The following PRKCZ variants were observed in gnomAD, a reference collection of about 807,000 sequenced individuals.
PRKCZ encodes protein kinase C zeta.
PRKCZ carries 33 observed loss-of-function variants against 79.5 expected under a neutral mutation model. That is an observed-to-expected ratio of 0.41 (90% confidence interval 0.31 to 0.55). PRKCZ has a LOEUF of 0.55. PRKCZ is among the 20% of genes least tolerant of loss of function. The pLI is 0.19. For missense variants in PRKCZ, 578 were observed against 813.5 expected (o/e 0.71, Z 3.52); for synonymous variants, 342 against 320.9 (o/e 1.07, Z -0.70).
rs776015013 is a variant in PRKCZ, at chr1:2,148,858, C to T, written c.635-14C>T. The T allele has an allele frequency of 6.2e-7, 1 of 1,613,592 alleles. No homozygotes were observed. The highest frequency in any genetic ancestry group is 1.3e-5 in the African/African-American group (1 of 75,062). Reference sequence around the variant, plus strand: ...CACACCGTAACGCCCCTTCCTTCCTCCCTCTCTCACCAGTTGCTTACATTT... The same window carrying T: ...CACACCGTAACGCCCCTTCCTTCCTTCCTCTCTCACCAGTTGCTTACATTT... On this transcript the variant is annotated splice_polypyrimidine_tract_variant and intron_variant, in intron 7 of 17. Coordinates refer to ENST00000378567, the MANE Select transcript of PRKCZ (RefSeq NM_002744.6).
intron 16 of PRKCZ, 76 bp downstream of exon 16, chr1:2,175,389 C>T (rs1482835818): frequency 4.0e-6 from 5 of 1,253,842 alleles, no homozygotes; most frequent in South Asian, 2.7e-5. Flanking sequence ...ATCCCAACCC[C>T]AACCCCAATA....
chr1:2,103,384 A>C (rs1667829102), intron 4 of PRKCZ, among the ~76,000 whole-genome samples: 1 of 151,108 alleles, frequency 6.6e-6, no homozygotes, highest in Non-Finnish European at 1.5e-5. Flanking sequence ...TTATCAGTTC[A>C]AGACACAGTT....
upstream of PRKCZ, chr1:2,050,368 C>T (rs1302383726): frequency 3.0e-5 from 5 of 168,320 alleles, no homozygotes; most frequent in Non-Finnish European, 6.3e-5. Context: ...CCCGGGACCG[C>T]CCGCCCCGCG....
chr1:2,172,190 G>A lies in PRKCZ; in HGVS notation c.1197G>A (p.Lys399=). The stretch of plus-strand genomic sequence containing the variant: ...AGCTCACAGACTACGGCATGTGCAA[G>A]GTGCGTGCCTTGGACCGCCTCCCCT... The part of the protein sequence containing the change: ...HIKLTDYGMC[K]EGLGPGDTTS... The change falls in exon 12 of 18, where the codon AAG becomes AAA. Residue 399 remains lysine (K), a splice_region_variant and synonymous_variant. Transcript: ENST00000378567. This position sits in a 1 kb window ranked among gnomAD's most constrained non-coding sequence, Gnocchi z 7.8. The A allele has an allele frequency of 1.9e-6, 3 of 1,613,336 alleles. No homozygotes were observed. The highest frequency in any genetic ancestry group is 2.2e-5 in the East Asian group (1 of 44,866).
chr1:2,125,695 T>C lies in PRKCZ; in HGVS notation c.335-9567T>C, dbSNP rs1316887099. Among the ~76,000 whole-genome samples, 1 of 152,192 alleles carries C rather than the reference T, an allele frequency of 6.6e-6. No individual in the cohort carries two copies. The highest frequency in any genetic ancestry group is 2.4e-5 in the African/African-American group (1 of 41,454). On this transcript the variant is annotated intron_variant, in intron 4 of 17. Coordinates refer to ENST00000378567, the MANE Select transcript of PRKCZ (RefSeq NM_002744.6). The surrounding 1 kb of genome is among the most constrained non-coding windows in gnomAD (Gnocchi z 4.2). ...CGCATTCCATGGCAGGTGAGTCTGA[T>C]TATTCGAAGGAGGCTGGAGTGTGGG... is the stretch of plus-strand genomic sequence containing the variant.
intron 17 of PRKCZ, 81 bp downstream of exon 17, chr1:2,184,779 C>G: frequency 1.4e-6 from 2 of 1,445,858 alleles, no homozygotes; most frequent in Non-Finnish European, 9.5e-7. Context: ...AGCTGGTGAC[C>G]CAGCCTGCCC....
At chr1:2,119,628 G>T (rs1671449738) in intron 4 of PRKCZ, among the ~76,000 whole-genome samples, 1 of 152,136 alleles carries the variant, frequency 6.6e-6, no homozygotes, top group South Asian at 2.1e-4. Context: ...ACCAAGTGTT[G>T]TCTTAGACAG....
In PRKCZ at chr1:2,055,559, G is replaced by A. The variant is rs140244321; in HGVS notation, c.190G>A (p.Glu64Lys). 122 of 1,612,980 alleles carry A rather than the reference G, an allele frequency of 7.6e-5. No homozygotes were observed. Among genetic ancestry groups the A allele is most frequent in the Admixed American group, 5.5e-4 (33 of 59,796 alleles). The part of the protein sequence containing the change: ...HPLTLKWVDS[E>K]GDPCTVSSQM... Reference sequence around the variant, plus strand: ...GCTCACCCTCAAGTGGGTGGACAGCGAAGGTAGCCCTTGTCCCATGTTGGC... The same window carrying A: ...GCTCACCCTCAAGTGGGTGGACAGCAAAGGTAGCCCTTGTCCCATGTTGGC... Residue 64 changes from glutamate to lysine, a missense_variant, in exon 2 of 18, where the codon GAA becomes AAA. Around this residue, in one of 4 missense-constraint regions of PRKCZ, gnomAD observed 228 missense variants for 211.6 expected, o/e 1.08. Transcript: ENST00000378567.
At chr1:2,099,183 T>C (rs1469970224) in intron 4 of PRKCZ, among the ~76,000 whole-genome samples, 3 of 152,092 alleles carry the variant, frequency 2.0e-5, no homozygotes, top group African/African-American at 7.3e-5. Context: ...ATCACCATCA[T>C]CCAGGGCCAC....
intron 4 of PRKCZ, among the ~76,000 whole-genome samples, chr1:2,063,564 C>T (rs1294681485): frequency 7.9e-5 from 12 of 152,318 alleles, no homozygotes; most frequent in African/African-American, 2.2e-4. Context: ...CTGCCCACCT[C>T]GGTCTCCCAA....
chr1:2,077,196 G>C (rs928676572), intron 4 of PRKCZ, among the ~76,000 whole-genome samples: 17 of 152,246 alleles, frequency 1.1e-4, no homozygotes, highest in Non-Finnish European at 1.9e-4. Flanking sequence ...GGGCACACAG[G>C]AGAGTTTACA....
At position 2,094,614 on chromosome 1, in the gene PRKCZ, C is replaced by A. The variant is rs1175304313; in HGVS notation, c.334+35023C>A. On this transcript the variant is annotated intron_variant, in intron 4 of 17. Coordinates refer to ENST00000378567, the MANE Select transcript of PRKCZ (RefSeq NM_002744.6). The surrounding 1 kb of genome is among the most constrained non-coding windows in gnomAD (Gnocchi z 7.3). ...CGCCCGCTGTGCCCGGCTCGATGAACCTTGGGCGCTGCCCGTTCTGAGGCG... is the reference window on the plus strand; with the variant it reads ...CGCCCGCTGTGCCCGGCTCGATGAAACTTGGGCGCTGCCCGTTCTGAGGCG... Among the ~76,000 whole-genome samples, 3 of 101,290 alleles carry A rather than the reference C, an allele frequency of 3.0e-5. No homozygotes were observed. The highest frequency in any genetic ancestry group is 5.4e-5 in the Non-Finnish European group (3 of 55,722). The allele number at this position is 101,290 out of a possible 152,430, so 66.5% of individuals were successfully genotyped here. A position where few individuals can be genotyped will look rare whatever the true frequency, so the allele number is the denominator to read the frequency against.
chr1:2,074,917 G>T lies in PRKCZ; in HGVS notation c.334+15326G>T, dbSNP rs185255601. On this transcript the variant is annotated intron_variant, in intron 4 of 17. Coordinates refer to ENST00000378567, the MANE Select transcript of PRKCZ (RefSeq NM_002744.6). ...ACAACCAGCCTCCCCAGTCAGGCTT[G>T]TGGGGAGCCGTGGGCCTGGGGAGAC... 2.0e-5 allele frequency: 3 copies of T among 152,390 alleles called. No homozygotes were observed. In the East Asian group the frequency reaches 5.8e-4, roughly 30 times the overall value. The allele number at this position is 152,390 out of a possible 1,614,324, so 9.4% of individuals were successfully genotyped here. A position where few individuals can be genotyped will look rare whatever the true frequency, so the allele number is the denominator to read the frequency against.
chr1:2,060,639 A>G (rs1192163056), intron 4 of PRKCZ, among the ~76,000 whole-genome samples: 2 of 152,218 alleles, frequency 1.3e-5, no homozygotes, highest in Non-Finnish European at 2.9e-5. Context: ...GCCCTCAGCC[A>G]ACCGGGGTCC....
intron 4 of PRKCZ, among the ~76,000 whole-genome samples, chr1:2,060,161 C>T (rs981678301): frequency 1.3e-5 from 2 of 152,248 alleles, no homozygotes; most frequent in African/African-American, 2.4e-5. Context: ...TGGGGTTCCA[C>T]CCCCACTCTC....
At chr1:2,179,728 C>T (rs984518093) in intron 16 of PRKCZ, among the ~76,000 whole-genome samples, 13 of 152,314 alleles carry the variant, frequency 8.5e-5, no homozygotes, top group African/African-American at 2.9e-4. Flanking sequence ...GTTTGCTCCT[C>T]CCACCCCGGG....
At position 2,149,591 on chromosome 1, in the gene PRKCZ, C is replaced by T. The variant is rs141572849; in HGVS notation, c.687+667C>T. On this transcript the variant is annotated intron_variant, in intron 8 of 17. Transcript: ENST00000378567. This position sits in a 1 kb window ranked among gnomAD's most constrained non-coding sequence, Gnocchi z 4.1. The stretch of plus-strand genomic sequence containing the variant: ...AAGCAGAATCTGAGGCTGAGCACGG[C>T]GACTCACACCTCCAATCCCAGCATT... 3.5e-3 allele frequency among the ~76,000 whole-genome samples: 539 copies of T among 152,278 alleles called. 1 individual carries two copies. Among genetic ancestry groups the T allele is most frequent in the Middle Eastern group, 0.017 (5 of 294 alleles).
At chr1:2,055,858 C>G (rs1434963899) in intron 2 of PRKCZ, 4 of 327,862 alleles carry the variant, frequency 1.2e-5, no homozygotes, top group Non-Finnish European at 2.2e-5. Flanking sequence ...CCTCCTTTCT[C>G]ATGTCCTGGC....
At chr1:2,158,660 T>A (rs889486108) in intron 10 of PRKCZ, among the ~76,000 whole-genome samples, 1 of 152,200 alleles carries the variant, frequency 6.6e-6, no homozygotes, top group Admixed American at 6.5e-5. Context: ...TGGTTCTTCT[T>A]CATATGTGAA....
Sources: gnomAD v4.1 joint callset for allele counts (sites outside exome capture counted in the v4.1 genomes callset) on GRCh38, gnomAD v4.1.1 for gene constraint, gnomAD v4.1.1 regional missense constraint, Gnocchi (gnomAD v3.1) non-coding constraint, MANE v1.5 for transcripts, NCBI Gene and HGNC (gene_info 2026-07-23, HGNC 2026-07-21) for gene names.